The following LRP1B variants were observed in gnomAD, a reference collection of about 807,000 sequenced individuals.
LRP1B encodes low-density lipoprotein receptor-related protein 1B.
In LRP1B, 217 loss-of-function variants were observed where a neutral mutation model predicts 556.6. The ratio of observed to expected loss-of-function variants is 0.39; its 90% CI spans 0.35 to 0.44. The LOEUF (loss-of-function observed/expected upper bound fraction) is 0.44. Ranked by LOEUF, LRP1B falls within the 20% of genes least tolerant of loss-of-function variation. The probability of loss-of-function intolerance (pLI) is 1.00; values close to 1 mark genes in which losing one functional copy is unlikely to be tolerated. For missense variants in LRP1B, 5,053 were observed against 5,620.8 expected, an observed-to-expected ratio of 0.90 and a Z score of 3.23; for synonymous variants, 2,047 against 1,865.8, an observed-to-expected ratio of 1.10 and a Z score of -2.50.
At chr2:141,489,412 TG>T (rs147905092) in intron 2 of LRP1B, among the ~76,000 whole-genome samples, 3,167 of 152,046 alleles carry the variant, frequency 0.021, 94 homozygotes, top group East Asian at 0.13. Context: ...TATAAGAGTA[TG>T]AAAAAATTGC....
chr2:141,249,779 C>T (rs1684195537), intron 4 of LRP1B, among the ~76,000 whole-genome samples: 1 of 152,008 alleles, frequency 6.6e-6, no homozygotes, highest in Non-Finnish European at 1.5e-5. Context: ...GATTAAAATT[C>T]CCATTTAGAT....
At chr2:142,034,947 TTAA>T (rs1703829391) in intron 1 of LRP1B, among the ~76,000 whole-genome samples, 1 of 151,784 alleles carries the variant, frequency 6.6e-6, no homozygotes, top group Non-Finnish European at 1.5e-5. Context: ...ATTGGTGGAA[TTAA>T]TATGAATATT....
chr2:141,237,594 T>C (rs1040462657), intron 5 of LRP1B, among the ~76,000 whole-genome samples: 1 of 142,094 alleles, frequency 7.0e-6, no homozygotes, highest in Non-Finnish European at 1.5e-5. Flanking sequence ...CTTAAAATAA[T>C]TTAGTCACTT....
intron 86 of LRP1B, among the ~76,000 whole-genome samples, chr2:140,251,913 T>G (rs1028709337): frequency 8.6e-5 from 13 of 151,000 alleles, no homozygotes; most frequent in African/African-American, 2.9e-4. Flanking sequence ...AATACTTTTT[T>G]TCTGGTTAAC....
intron 1 of LRP1B, among the ~76,000 whole-genome samples, chr2:142,031,466 C>G (rs1703705543): frequency 7.9e-6 from 1 of 126,592 alleles, no homozygotes. Flanking sequence ...AGGTATATCT[C>G]CCAATGCTAT....
At chr2:141,999,468 T>G (rs1055349538) in intron 1 of LRP1B, among the ~76,000 whole-genome samples, 1 of 152,122 alleles carries the variant, frequency 6.6e-6, no homozygotes, top group African/African-American at 2.4e-5. Flanking sequence ...CATAAAAGTT[T>G]GAAGATTTGA....
chr2:141,074,934 AG>A (rs1317188593), intron 7 of LRP1B, among the ~76,000 whole-genome samples: 5 of 152,126 alleles, frequency 3.3e-5, no homozygotes, highest in African/African-American at 1.2e-4. Flanking sequence ...GTTCAGGGTT[AG>A]ATTTGAGTAT....
At chr2:140,658,973 T>C (rs187409132) in intron 41 of LRP1B, among the ~76,000 whole-genome samples, 506 of 152,056 alleles carry the variant, frequency 3.3e-3, no homozygotes, top group African/African-American at 0.011. Context: ...GGGCTATGTA[T>C]GAGTTGTAAA....
At position 140,232,671 on chromosome 2, in the gene LRP1B, T is replaced by C. The variant is rs761218899; in HGVS notation, c.*515A>G. On this transcript the variant is annotated 3_prime_UTR_variant, in exon 91 of 91. Coordinates refer to ENST00000389484, the MANE Select transcript of LRP1B (RefSeq NM_018557.3). Reference sequence around the variant, plus strand: ...AGGCTAATTTCAAAGCAGGTGATGCTGAACTTGTGAGAGCTATATATTTTC... The same window carrying C: ...AGGCTAATTTCAAAGCAGGTGATGCCGAACTTGTGAGAGCTATATATTTTC... 2.0e-5 allele frequency: 3 copies of C among 151,768 alleles called. No individual in the cohort carries two copies. Among genetic ancestry groups the C allele is most frequent in the Non-Finnish European group, 4.4e-5 (3 of 67,580 alleles). 9.4% of individuals were successfully genotyped at this position (151,768 alleles called of 1,614,324 possible). A position where few individuals can be genotyped will look rare whatever the true frequency, so the allele number is the denominator to read the frequency against.
intron 2 of LRP1B, among the ~76,000 whole-genome samples, chr2:141,612,987 T>A (rs1688162028): frequency 6.6e-6 from 1 of 151,834 alleles, no homozygotes; most frequent in Non-Finnish European, 1.5e-5. Context: ...TTTTTTGTAT[T>A]TTCAGTAGAG....
At chr2:140,327,677 CTTAAAAACATTAA>C (rs1169226647) in intron 79 of LRP1B, among the ~76,000 whole-genome samples, 1 of 152,040 alleles carries the variant, frequency 6.6e-6, no homozygotes, top group East Asian at 1.9e-4. Flanking sequence ...TAGTTTTAGA[CTTAAAAACATTAA>C]TATTGATAAT....
chr2:141,437,490 T>C (rs987163848), intron 3 of LRP1B, among the ~76,000 whole-genome samples: 3 of 152,184 alleles, frequency 2.0e-5, no homozygotes, highest in African/African-American at 7.2e-5. Context: ...TCAACTATTT[T>C]GAAATTTCTC....
chr2:140,253,509 T>G (rs186433358), intron 86 of LRP1B, among the ~76,000 whole-genome samples: 102 of 152,074 alleles, frequency 6.7e-4, no homozygotes, highest in African/African-American at 2.3e-3. Context: ...AAAAGGAAGT[T>G]TGTTAAGTTT....
At chr2:142,115,498 TA>T (rs554107130) in intron 1 of LRP1B, among the ~76,000 whole-genome samples, 1 of 91,152 alleles carries the variant, frequency 1.1e-5, no homozygotes, top group East Asian at 3.4e-4. Context: ...TAATTATATA[TA>T]ATATATATTA....
At chr2:140,377,480 T>C (rs978451865) in intron 68 of LRP1B, among the ~76,000 whole-genome samples, 2 of 152,136 alleles carry the variant, frequency 1.3e-5, no homozygotes, top group Non-Finnish European at 2.9e-5. Context: ...GAGCTTGGGG[T>C]CCTTTTAGAT....
At chr2:140,341,277 A>T (rs1328078306) in intron 77 of LRP1B, among the ~76,000 whole-genome samples, 1 of 151,600 alleles carries the variant, frequency 6.6e-6, no homozygotes, top group African/African-American at 2.4e-5. Context: ...GCTTCATTAT[A>T]ATTTTCTAGC....
intron 77 of LRP1B, among the ~76,000 whole-genome samples, chr2:140,345,566 T>C (rs1236372995): frequency 2.7e-5 from 4 of 150,774 alleles, no homozygotes; most frequent in Non-Finnish European, 5.9e-5. Context: ...CTAATCTGGC[T>C]TCATAGTTTT....
chr2:141,241,433 G>T (rs1019605265), intron 5 of LRP1B, among the ~76,000 whole-genome samples: 1 of 151,976 alleles, frequency 6.6e-6, no homozygotes, highest in African/African-American at 2.4e-5. Flanking sequence ...TTTGAGAGGG[G>T]AGTGGTCCTT....
At chr2:140,743,633 T>C (rs1688211811) in intron 35 of LRP1B, among the ~76,000 whole-genome samples, 1 of 152,086 alleles carries the variant, frequency 6.6e-6, no homozygotes, top group African/African-American at 2.4e-5. Context: ...ATAGTACACA[T>C]GTATTAAGTG....
Sources: allele counts gnomAD v4.1 joint callset (sites outside exome capture counted in the v4.1 genomes callset), GRCh38; gene constraint gnomAD v4.1.1; transcripts MANE v1.5; gene names NCBI Gene and HGNC (gene_info 2026-07-23, HGNC 2026-07-21).